Variants in TFEC observed in about 807,000 individuals in gnomAD.
The protein encoded by TFEC is transcription factor EC, also known as class E basic helix-loop-helix protein 34.
In TFEC, 31 loss-of-function variants were observed where a neutral mutation model predicts 41.6. That is an observed-to-expected ratio of 0.74 (90% confidence interval 0.56 to 1.01). The LOEUF is 1.01. TFEC is among the 50% of genes least tolerant of loss of function. TFEC has a pLI of 0.00. For missense variants in TFEC, 402 were observed against 404.1 expected, an observed-to-expected ratio of 0.99 and a Z score of 0.04; for synonymous variants, 143 against 140.6, an observed-to-expected ratio of 1.02 and a Z score of -0.12.
At chr7:115,979,202 G>A (rs975757021) in intron 2 of TFEC, among the ~76,000 whole-genome samples, 4 of 152,046 alleles carry the variant, frequency 2.6e-5, no homozygotes, top group African/African-American at 9.7e-5. Context: ...ATCTGATTAT[G>A]TTACCCTAGG....
At chr7:116,017,282 C>A (rs766328440) in intron 1 of TFEC, among the ~76,000 whole-genome samples, 1 of 152,136 alleles carries the variant, frequency 6.6e-6, no homozygotes, top group Non-Finnish European at 1.5e-5. Context: ...AGTGCAGTGG[C>A]ACGATCTCCA....
intron 3 of TFEC, among the ~76,000 whole-genome samples, chr7:116,077,703 G>C (rs191837824): frequency 1.2e-4 from 18 of 152,062 alleles, no homozygotes; most frequent in African/African-American, 4.3e-4. Context: ...AGTGATAAAT[G>C]GACTAGTTCA....
At chr7:116,110,666 C>T in intron 3 of TFEC, 1 of 1,227,940 alleles carries the variant, frequency 8.1e-7, no homozygotes, top group Middle Eastern at 2.1e-4. Context: ...AGTTACTATA[C>T]TTACTTAGAA....
chr7:116,087,045 T>A (rs1797218730), intron 3 of TFEC, among the ~76,000 whole-genome samples: 1 of 151,898 alleles, frequency 6.6e-6, no homozygotes, highest in Non-Finnish European at 1.5e-5. Flanking sequence ...CTCCCACAAT[T>A]TAAACCATTA....
chr7:116,139,382 T>C (rs1798495554), intron 1 of TFEC, among the ~76,000 whole-genome samples: 2 of 152,146 alleles, frequency 1.3e-5, no homozygotes, highest in African/African-American at 4.8e-5. Flanking sequence ...GTCAGAACAA[T>C]GATCCATTCT....
At chr7:116,063,651 G>T (rs1474097888) in intron 3 of TFEC, among the ~76,000 whole-genome samples, 1 of 152,030 alleles carries the variant, frequency 6.6e-6, no homozygotes, top group Non-Finnish European at 1.5e-5. Context: ...GGTGATGATG[G>T]ATATATTTAC....
At position 115,946,590 on chromosome 7, in the gene TFEC, C is replaced by CTTCT. The variant is rs1030184791; in HGVS notation, c.515+4280_515+4283dup. Among the ~76,000 whole-genome samples the CTTCT allele has an allele frequency of 5.5e-5, 8 of 144,980 alleles. 1 individual carries two copies. The highest frequency in any genetic ancestry group is 1.5e-4 in the African/African-American group (6 of 39,300). On this transcript the variant is annotated intron_variant, in intron 6 of 7. Transcript: ENST00000265440. ...GCTACCATATCAAGCTTGCTCTTTCCTTCTTTCTTTCTTTCTTTTTTCTTT... is the reference window on the plus strand; with the variant it reads ...GCTACCATATCAAGCTTGCTCTTTCCTTCTTTCTTTCTTTCTTTCTTTTTTCTTT...
rs1798845991 is a variant in TFEC at position 116,155,254 on chromosome 7, A to AG, written c.-69+4535_-69+4536insC. Among the ~76,000 whole-genome samples, 3 of 152,342 alleles carry AG rather than the reference A, an allele frequency of 2.0e-5. No individual in the cohort carries two copies. In the South Asian group the frequency reaches 6.2e-4, roughly 32 times the overall value. ...GAATTAGAGATAGCTTCCTTAAAGA[A>AG]CTAATATTTAAACCAAGAACTAGAG... On this transcript the variant is annotated intron_variant, in intron 1 of 8. Transcript: ENST00000484212.
intron 2 of TFEC, among the ~76,000 whole-genome samples, chr7:115,977,406 C>T (rs369313828): frequency 6.6e-6 from 1 of 151,782 alleles, no homozygotes; most frequent in South Asian, 2.1e-4. Flanking sequence ...TACAAAAGAA[C>T]AAAACTTTTT....
intron 1 of TFEC, among the ~76,000 whole-genome samples, chr7:116,124,089 T>C (rs1213338795): frequency 6.6e-6 from 1 of 152,122 alleles, no homozygotes; most frequent in Non-Finnish European, 1.5e-5. Flanking sequence ...TGGAAAAAGA[T>C]TAATTTTATC....
intron 3 of TFEC, among the ~76,000 whole-genome samples, chr7:115,966,024 A>C (rs1792830282): frequency 6.6e-6 from 1 of 151,594 alleles, no homozygotes; most frequent in Admixed American, 6.6e-5. Context: ...ATCTCTCTCA[A>C]TTAACTACCA....
At chr7:116,065,225 C>G (rs1025137679) in intron 3 of TFEC, among the ~76,000 whole-genome samples, 2 of 152,092 alleles carry the variant, frequency 1.3e-5, no homozygotes, top group African/African-American at 4.8e-5. Flanking sequence ...AGTCAACATG[C>G]CCCAGCCATG....
At chr7:116,063,400 T>C (rs993475227) in intron 3 of TFEC, among the ~76,000 whole-genome samples, 3 of 152,108 alleles carry the variant, frequency 2.0e-5, no homozygotes, top group African/African-American at 7.2e-5. Flanking sequence ...GTGAATCATT[T>C]GAGGTCAGGA....
At chr7:116,062,393 A>T (rs1796584667) in intron 3 of TFEC, among the ~76,000 whole-genome samples, 1 of 150,152 alleles carries the variant, frequency 6.7e-6, no homozygotes, top group South Asian at 2.1e-4. Flanking sequence ...CCATTGTATC[A>T]TTCTTATGCC....
In TFEC at chr7:115,975,511, G is replaced by A. The variant is rs550997831; in HGVS notation, c.181-1255C>T. Among the ~76,000 whole-genome samples the A allele has an allele frequency of 1.4e-3, 208 of 152,160 alleles. 1 individual carries two copies. The highest frequency in any genetic ancestry group is 5.0e-3 in the Admixed American group (76 of 15,256). The stretch of plus-strand genomic sequence containing the variant: ...TCTACTAAGATACTCCAAAAAATAT[G>A]GAACACTATTCATATCTTAACAAAT... On this transcript the variant is annotated intron_variant, in intron 2 of 7. Transcript: ENST00000265440.
chr7:116,081,829 G>C (rs1232234513), intron 3 of TFEC, among the ~76,000 whole-genome samples: 1 of 152,046 alleles, frequency 6.6e-6, no homozygotes, highest in African/African-American at 2.4e-5. Context: ...AACACTGTAT[G>C]CTCTTTATAC....
At position 115,940,912 on chromosome 7, in the gene TFEC, C is replaced by G. The variant is rs764957936; in HGVS notation, c.683G>C (p.Arg228Pro). The change falls in exon 8 of 8, where the codon CGT (arginine) becomes CCT (proline). Residue 228 changes from arginine to proline, a missense_variant. Transcript: ENST00000265440. ...AGCCAGGGTTGGCAGACCATGAGTA[C>G]GAGCCTGAATTTCTAGTTCCTGTAA... ...LRIQELEIQA[R>P]THGLPTLASL... 1.3e-6 allele frequency: 2 copies of G among 1,580,804 alleles called. No individual in the cohort carries two copies. Among genetic ancestry groups the G allele is most frequent in the Non-Finnish European group, 1.7e-6 (2 of 1,161,090 alleles).
intron 3 of TFEC, among the ~76,000 whole-genome samples, chr7:116,087,882 C>T (rs1006965719): frequency 8.5e-5 from 13 of 152,098 alleles, no homozygotes; most frequent in African/African-American, 3.1e-4. Context: ...TAGACTACCA[C>T]ATTCTAACTC....
At chr7:116,031,218 C>A (rs1384960859), upstream of TFEC, among the ~76,000 whole-genome samples, 2 of 151,812 alleles carry the variant, frequency 1.3e-5, no homozygotes, top group Admixed American at 1.3e-4. Flanking sequence ...TTGCATTTTC[C>A]ATATTTTCTA....
Sources: allele counts gnomAD v4.1 joint callset (sites outside exome capture counted in the v4.1 genomes callset), GRCh38; gene constraint gnomAD v4.1.1; transcripts MANE v1.5; gene names NCBI Gene and HGNC (gene_info 2026-07-23, HGNC 2026-07-21).